The following NAV3 variants were observed in gnomAD, a reference collection of about 807,000 sequenced individuals.
The protein encoded by NAV3 is neuron navigator 3.
NAV3 carries 87 observed loss-of-function variants against 244.7 expected under a neutral mutation model. That is an observed-to-expected ratio of 0.36 (90% CI 0.30 to 0.42). NAV3 has a LOEUF of 0.42. NAV3 is among the 20% of genes least tolerant of loss of function. The probability of loss-of-function intolerance (pLI) is 1.00; values close to 1 mark genes in which losing one functional copy is unlikely to be tolerated. For synonymous variants in NAV3, 1,126 were observed against 1,042.2 expected (o/e 1.08, Z -1.55); for missense variants, 2,663 against 2,893.3 (o/e 0.92, Z 1.83).
intron 1 of NAV3, among the ~76,000 whole-genome samples, chr12:77,917,491 G>A (rs1768082061): frequency 6.6e-6 from 1 of 151,860 alleles, no homozygotes; most frequent in Admixed American, 6.6e-5. Context: ...ATGTATCGAG[G>A]GTTATTTCTC....
chr12:77,729,072 AAT>A (rs1348537781), intron 2 of NAV3, among the ~76,000 whole-genome samples: 1 of 152,048 alleles, frequency 6.6e-6, no homozygotes, highest in Non-Finnish European at 1.5e-5. Context: ...TAACATGCAA[AAT>A]ATATGTTAAT....
In NAV3 at chr12:77,632,935, AC is replaced by A. The variant is rs1435783993; in HGVS notation, c.72+60670del. On this transcript the variant is annotated intron_variant, in intron 2 of 8. Transcript: ENST00000550042. ...GCCTGATAGGTACCTAGAAATGTTA[AC>A]TATTATTGCAACTGGTCTTCTCTTT... Among the ~76,000 whole-genome samples, 7 of 152,254 alleles carry A rather than the reference AC, an allele frequency of 4.6e-5. No homozygotes were observed. In the East Asian group the frequency reaches 1.4e-3, roughly 29 times the overall value.
intron 2 of NAV3, among the ~76,000 whole-genome samples, chr12:77,675,440 C>T (rs1270682101): frequency 6.6e-6 from 1 of 152,126 alleles, no homozygotes; most frequent in Non-Finnish European, 1.5e-5. Context: ...AAAAGGCCCA[C>T]CCGGAATAGC....
intron 12 of NAV3, among the ~76,000 whole-genome samples, chr12:78,062,506 G>C (rs1217154006): frequency 2.6e-5 from 4 of 152,098 alleles, no homozygotes; most frequent in African/African-American, 9.7e-5. Flanking sequence ...CAAAGGTACA[G>C]AGAAGTCTTA....
intron 3 of NAV3, 74 bp from the exon 4 acceptor site, chr12:77,966,155 G>T: frequency 8.4e-7 from 1 of 1,185,086 alleles, no homozygotes; most frequent in South Asian, 1.2e-5. Flanking sequence ...CGTTCTTTCT[G>T]GTTTCATTTT....
chr12:77,923,672 TA>T (rs952781041), intron 1 of NAV3, among the ~76,000 whole-genome samples: 41 of 151,618 alleles, frequency 2.7e-4, no homozygotes, highest in Middle Eastern at 3.4e-3. Flanking sequence ...ATTTTAATAA[TA>T]AAAAAAAGGT....
intron 1 of NAV3, among the ~76,000 whole-genome samples, chr12:77,934,510 C>G (rs1889137278): frequency 6.6e-6 from 1 of 152,100 alleles, no homozygotes; most frequent in African/African-American, 2.4e-5. Flanking sequence ...GAGAGGTAAC[C>G]TCTTAAATCT....
At chr12:77,815,283 A>C (rs1464070370) in intron 2 of NAV3, among the ~76,000 whole-genome samples, 1 of 152,186 alleles carries the variant, frequency 6.6e-6, no homozygotes, top group African/African-American at 2.4e-5. Flanking sequence ...ATTGAAGCAC[A>C]TGAGGGTCTG....
chr12:78,205,152 G>A lies in NAV3; in HGVS notation c.7038+14G>A, dbSNP rs761155418. 2.4e-5 allele frequency: 39 copies of A among 1,609,676 alleles called. 1 individual carries two copies. The South Asian group carries it at 3.6e-4, about 15-fold the overall frequency. ...GGAGATCCCCTGGTAAGAATCAGAT[G>A]TTCATTTCTTCCTATGTAATCTTGA... On this transcript the variant is annotated intron_variant, in intron 39 of 39. Coordinates refer to ENST00000397909, the MANE Select transcript of NAV3 (RefSeq NM_001024383.2).
intron 24 of NAV3, 126 bp from the exon 25 acceptor site, chr12:78,175,180 T>C: frequency 1.0e-6 from 1 of 987,794 alleles, no homozygotes; most frequent in Non-Finnish European, 1.4e-6. Flanking sequence ...AAAACTGCAT[T>C]GAAATTATCT....
chr12:77,602,531 A>G (rs1474862664), intron 2 of NAV3, among the ~76,000 whole-genome samples: 1 of 151,986 alleles, frequency 6.6e-6, no homozygotes, highest in African/African-American at 2.4e-5. Context: ...TGAACTAAAG[A>G]GGGGATTAAT....
intron 2 of NAV3, among the ~76,000 whole-genome samples, chr12:77,708,281 G>T (rs908988530): frequency 2.0e-5 from 3 of 152,176 alleles, no homozygotes; most frequent in Non-Finnish European, 4.4e-5. Flanking sequence ...CATATGGCTA[G>T]CCAGTTTTCC....
intron 2 of NAV3, among the ~76,000 whole-genome samples, chr12:77,612,212 A>C (rs544473582): frequency 6.6e-6 from 1 of 152,138 alleles, no homozygotes; most frequent in Admixed American, 6.6e-5. Context: ...GTACTATGTG[A>C]CTTGCATGGA....
At chr12:77,668,598 T>G (rs1434224769) in intron 2 of NAV3, among the ~76,000 whole-genome samples, 1 of 151,900 alleles carries the variant, frequency 6.6e-6, no homozygotes, top group Admixed American at 6.6e-5. Context: ...GAAAAAAGAA[T>G]AAAGAATAAT....
intron 5 of NAV3, among the ~76,000 whole-genome samples, chr12:77,984,503 T>C (rs976789274): frequency 2.0e-5 from 3 of 151,030 alleles, no homozygotes; most frequent in Non-Finnish European, 2.9e-5. Context: ...TTACCTGTTA[T>C]AGCACTTATC....
chr12:77,707,144 G>T (rs1278143044), intron 2 of NAV3, among the ~76,000 whole-genome samples: 2 of 150,052 alleles, frequency 1.3e-5, no homozygotes, highest in African/African-American at 2.5e-5. Context: ...GTGCCATGTT[G>T]GTGTGCTGCA....
At chr12:77,599,566 G>A (rs759942215) in intron 2 of NAV3, among the ~76,000 whole-genome samples, 1 of 151,660 alleles carries the variant, frequency 6.6e-6, no homozygotes, top group African/African-American at 2.4e-5. Context: ...ACAAAATTTT[G>A]TAGGCTGAAA....
chr12:77,991,737 A>C (rs963616446), intron 5 of NAV3, among the ~76,000 whole-genome samples: 1 of 152,232 alleles, frequency 6.6e-6, no homozygotes, highest in Non-Finnish European at 1.5e-5. Context: ...CAGAAACATA[A>C]GAATATTTTA....
chr12:78,159,175 A>T (rs1318923540), intron 22 of NAV3, 28 bp from the exon 23 acceptor site: 1 of 1,593,808 alleles, frequency 6.3e-7, no homozygotes, highest in East Asian at 2.2e-5. Context: ...CTGACATTTA[A>T]ACTATGTTTC....
Sources: allele counts gnomAD v4.1 joint callset (sites outside exome capture counted in the v4.1 genomes callset), GRCh38; gene constraint gnomAD v4.1.1; transcripts MANE v1.5; gene names NCBI Gene and HGNC (gene_info 2026-07-23, HGNC 2026-07-21).